UBR3: variants seen among roughly 807,000 people sequenced by gnomAD.
UBR3 encodes the protein ubiquitin protein ligase E3 component n-recognin 3, also known as E3 ubiquitin-protein ligase UBR3.
Under a neutral mutation model 243.2 loss-of-function variants are expected in UBR3, and 85 were observed. The observed-to-expected ratio is 0.35, with a 90% CI of 0.29 to 0.42. The LOEUF is 0.42. Among genes scored for constraint, UBR3 ranks in the 10% least tolerant of loss-of-function variants. The pLI, the probability that UBR3 is intolerant of heterozygous loss-of-function variation, is 1.00. For missense variants in UBR3, 1,686 were observed against 2,300.8 expected (o/e 0.73, Z 5.47); for synonymous variants, 748 against 799.8 (o/e 0.94, Z 1.09).
At chr2:169,920,108 C>G (rs955065502) in intron 11 of UBR3, among the ~76,000 whole-genome samples, 1 of 152,130 alleles carries the variant, frequency 6.6e-6, no homozygotes, top group East Asian at 1.9e-4. Flanking sequence ...GGCAGATATA[C>G]GCCATGGAAT....
intron 33 of UBR3, among the ~76,000 whole-genome samples, chr2:170,060,009 G>A (rs1370629873): frequency 6.6e-6 from 1 of 152,098 alleles, no homozygotes; most frequent in African/African-American, 2.4e-5. Context: ...TAACATGAAC[G>A]AAACAATGAG....
intron 11 of UBR3, among the ~76,000 whole-genome samples, chr2:169,916,979 C>T (rs929523154): frequency 1.4e-4 from 21 of 152,118 alleles, no homozygotes; most frequent in African/African-American, 4.3e-4. Flanking sequence ...TATTTTTACC[C>T]TGCTCCCTCT....
At chr2:169,970,248 T>C (rs1170371868) in intron 24 of UBR3, among the ~76,000 whole-genome samples, 1 of 150,318 alleles carries the variant, frequency 6.7e-6, no homozygotes, top group African/African-American at 2.4e-5. Context: ...TTTTTTTTTT[T>C]TTTTTTGTAG....
chr2:170,079,706 A>G (rs1321286021), intron 36 of UBR3, 108 bp from the exon 37 acceptor site: 2 of 977,830 alleles, frequency 2.0e-6, no homozygotes, highest in East Asian at 2.6e-5. Flanking sequence ...AAAATAAGCC[A>G]CATTCTTGGA....
chr2:170,028,452 G>A (rs1214014706), intron 30 of UBR3, among the ~76,000 whole-genome samples: 1 of 151,596 alleles, frequency 6.6e-6, no homozygotes, highest in Non-Finnish European at 1.5e-5. Flanking sequence ...TTTTTTCCTA[G>A]ATTTAAGAAT....
chr2:169,864,906 C>CAAAAAAAAA (rs11336906), intron 1 of UBR3, among the ~76,000 whole-genome samples: 1 of 64,836 alleles, frequency 1.5e-5, no homozygotes, highest in Non-Finnish European at 3.0e-5. Flanking sequence ...GACTCCGTCT[C>CAAAAAAAAA]AAAAAAAAAA....
intron 8 of UBR3, among the ~76,000 whole-genome samples, chr2:169,900,988 C>G (rs1320294726): frequency 6.6e-6 from 1 of 152,032 alleles, no homozygotes; most frequent in African/African-American, 2.4e-5. Context: ...TGTGGTTTAC[C>G]CTTTTTGTAA....
At chr2:169,967,451 T>C (rs2087874775) in intron 24 of UBR3, among the ~76,000 whole-genome samples, 1 of 152,142 alleles carries the variant, frequency 6.6e-6, no homozygotes, top group Non-Finnish European at 1.5e-5. Context: ...AACACTCCAT[T>C]TCCAATAGAC....
intron 29 of UBR3, among the ~76,000 whole-genome samples, chr2:170,012,224 T>G (rs2090106535): frequency 2.0e-5 from 3 of 152,152 alleles, no homozygotes; most frequent in East Asian, 1.9e-4. Context: ...AATCCTTTTT[T>G]GGGGCTTGGT....
chr2:170,058,710 C>G (rs556911994), intron 33 of UBR3, among the ~76,000 whole-genome samples: 11 of 151,996 alleles, frequency 7.2e-5, no homozygotes, highest in African/African-American at 2.7e-4. Context: ...GGGAGGAAGT[C>G]TTGCTGTGTT....
intron 25 of UBR3, 129 bp from the exon 26 acceptor site, chr2:169,994,194 G>T (rs1432911868): frequency 6.8e-6 from 7 of 1,034,500 alleles, no homozygotes; most frequent in South Asian, 2.0e-5. Context: ...CTTTTTTGAG[G>T]GGTCTTTAAA....
At chr2:169,901,683 G>A (rs1355831484) in intron 8 of UBR3, among the ~76,000 whole-genome samples, 2 of 152,158 alleles carry the variant, frequency 1.3e-5, no homozygotes, top group Admixed American at 6.5e-5. Context: ...TGGCCACAGC[G>A]ATAGCTGAAG....
intron 26 of UBR3, among the ~76,000 whole-genome samples, chr2:169,998,857 G>T (rs1282071257): frequency 6.6e-6 from 1 of 152,150 alleles, no homozygotes; most frequent in Admixed American, 6.5e-5. Flanking sequence ...ACAGACTTGG[G>T]TTTGAACTTA....
At chr2:169,833,798 T>C (rs76271851) in intron 1 of UBR3, among the ~76,000 whole-genome samples, 1 of 151,964 alleles carries the variant, frequency 6.6e-6, no homozygotes, top group African/African-American at 2.4e-5. Flanking sequence ...TTTTTTTTTT[T>C]AGTGACAGGT....
chr2:170,033,090 G>A (rs2090723102), intron 31 of UBR3, among the ~76,000 whole-genome samples: 1 of 151,920 alleles, frequency 6.6e-6, no homozygotes. Context: ...CAGAGTATTC[G>A]AACACACAGC....
At chr2:169,849,222 C>T (rs1196106614) in intron 1 of UBR3, among the ~76,000 whole-genome samples, 2 of 152,132 alleles carry the variant, frequency 1.3e-5, no homozygotes, top group African/African-American at 4.8e-5. Flanking sequence ...GTCAAGAGGG[C>T]CCTGCACTAC....
chr2:169,835,998 TCTCTC>T (rs541725270), intron 1 of UBR3, among the ~76,000 whole-genome samples: 953 of 32,096 alleles, frequency 0.03, 68 homozygotes, highest in Middle Eastern at 0.075. Context: ...GCACTGTCTC[TCTCTC>T]TCTCTCTCTC....
In UBR3 at chr2:170,006,972, G is replaced by A; in HGVS notation, c.4030-18G>A. 6.2e-7 allele frequency: 1 copy of A among 1,610,370 alleles called. No homozygotes were observed. The highest frequency in any genetic ancestry group is 8.5e-7 in the Non-Finnish European group (1 of 1,178,580). On this transcript the variant is annotated intron_variant, in intron 27 of 38. Transcript: ENST00000272793. ...GAATGTGTATATCACGCATCTGTAT[G>A]TTTATTTCGTCTTTTAGAATGACCA...
chr2:169,967,789 G>A (rs2087891393), intron 24 of UBR3, among the ~76,000 whole-genome samples: 2 of 152,014 alleles, frequency 1.3e-5, no homozygotes, highest in African/African-American at 2.4e-5. Flanking sequence ...ATTTTTAACA[G>A]TATAAGCAAA....
Sources: allele counts gnomAD v4.1 joint callset (sites outside exome capture counted in the v4.1 genomes callset), GRCh38; gene constraint gnomAD v4.1.1; transcripts MANE v1.5; gene names NCBI Gene and HGNC (gene_info 2026-07-23, HGNC 2026-07-21).